SUFU: variants seen among roughly 807,000 people sequenced by gnomAD.
The protein encoded by SUFU is suppressor of fused homolog.
A neutral mutation model predicts 58.9 loss-of-function variants in SUFU; 7 were observed. The observed-to-expected ratio is 0.12, with a 90% CI of 0.07 to 0.22. The LOEUF is 0.22. Ranked by LOEUF, SUFU falls within the 10% of genes least tolerant of loss-of-function variation. SUFU has a pLI of 1.00. For missense variants in SUFU, 451 were observed against 641.3 expected, an observed-to-expected ratio of 0.70 and a Z score of 3.20; for synonymous variants, 232 against 254.8, an observed-to-expected ratio of 0.91 and a Z score of 0.85.
chr10:102,549,153 G>A (rs2062884156), intron 2 of SUFU, among the ~76,000 whole-genome samples: 1 of 152,198 alleles, frequency 6.6e-6, no homozygotes, highest in Admixed American at 6.5e-5. Flanking sequence ...GTGGAGGTGG[G>A]AGTGGAGAAA....
At chr10:102,575,772 C>T (rs1299627142) in intron 3 of SUFU, among the ~76,000 whole-genome samples, 2 of 152,138 alleles carry the variant, frequency 1.3e-5, no homozygotes, top group Admixed American at 6.5e-5. Flanking sequence ...GCTGCTGGTG[C>T]CACATAGCAG....
At chr10:102,569,782 A>G (rs953698081) in intron 3 of SUFU, among the ~76,000 whole-genome samples, 1 of 152,134 alleles carries the variant, frequency 6.6e-6, no homozygotes, top group Admixed American at 6.6e-5. Context: ...GCAACATTCA[A>G]CAAGGGATTT....
chr10:102,601,182 C>A (rs774497134), intron 8 of SUFU, among the ~76,000 whole-genome samples: 2 of 152,184 alleles, frequency 1.3e-5, no homozygotes, highest in Non-Finnish European at 2.9e-5. Context: ...TGCAGAGATA[C>A]AACCTTCTTG....
chr10:102,585,888 C>CTTTTT (rs34024871), intron 3 of SUFU, among the ~76,000 whole-genome samples: 13 of 135,034 alleles, frequency 9.6e-5, no homozygotes, highest in African/African-American at 3.3e-4. Context: ...ATTTGTATAT[C>CTTTTT]TTTTTTTTTT....
chr10:102,617,737 C>G lies in SUFU; in HGVS notation c.1296+309C>G. ...CCAGGTTGGAGGGATATAAGACTTT[C>G]TGCACCTTGGGTAAACCAAGGTACA... On this transcript the variant is annotated intron_variant, in intron 10 of 11. Coordinates refer to ENST00000369902, the MANE Select transcript of SUFU (RefSeq NM_016169.4). This position sits in a 1 kb window ranked among gnomAD's most constrained non-coding sequence, Gnocchi z 4.4. 2 of 575,092 alleles carry G rather than the reference C, an allele frequency of 3.5e-6. No individual in the cohort carries two copies. The highest frequency in any genetic ancestry group is 6.4e-5 in the Admixed American group (2 of 31,356). 35.6% of individuals were successfully genotyped at this position (575,092 alleles called of 1,614,324 possible). A position where few individuals can be genotyped will look rare whatever the true frequency, so the allele number is the denominator to read the frequency against.
At position 102,633,265 on chromosome 10, in the gene SUFU, C is replaced by G. The variant is rs141940845; in HGVS notation, c.*3110C>G. 5.2e-4 allele frequency: 121 copies of G among 233,144 alleles called. No individual in the cohort carries two copies. The highest frequency in any genetic ancestry group is 2.5e-3 in the African/African-American group (114 of 45,442). 14.4% of individuals were successfully genotyped at this position (233,144 alleles called of 1,614,324 possible). ...GAGACCCCTCCTTTTGTACAAGTAC[C>G]TGAATGCTGCGACAAGCAGATTTTT... On this transcript the variant is annotated 3_prime_UTR_variant, in exon 12 of 12. Coordinates refer to ENST00000369902, the MANE Select transcript of SUFU (RefSeq NM_016169.4).
In SUFU at chr10:102,615,282, G is replaced by A. The variant is rs2063673090; in HGVS notation, c.1037G>A (p.Ser346Asn). The change falls in exon 9 of 12, where the codon AGC becomes AAC. Residue 346 changes from serine (S) to asparagine (N), a missense_variant. Transcript: ENST00000369902. ...AHDRAPSRKD[S>N]LESDSSTAII... ...TTGCTTCACAGGAGCCGCAAAGACAGCCTGGAAAGTGACAGCTCCACGGCC... is the reference window on the plus strand; with the variant it reads ...TTGCTTCACAGGAGCCGCAAAGACAACCTGGAAAGTGACAGCTCCACGGCC... 1 of 1,614,184 alleles carries A rather than the reference G, an allele frequency of 6.2e-7. No homozygotes were observed. The highest frequency in any genetic ancestry group is 1.1e-5 in the South Asian group (1 of 91,086).
intron 2 of SUFU, among the ~76,000 whole-genome samples, chr10:102,527,566 A>T (rs958315250): frequency 5.3e-5 from 8 of 152,174 alleles, no homozygotes; most frequent in African/African-American, 1.9e-4. Context: ...ATTTGAATCT[A>T]CTTTGATAGT....
At chr10:102,573,301 T>C in intron 3 of SUFU, 1 of 571,478 alleles carries the variant, frequency 1.7e-6, no homozygotes, top group Non-Finnish European at 3.2e-6. Flanking sequence ...ATGGCTACTA[T>C]CAAAAAAAGA....
chr10:102,595,431 A>G (rs976670281), intron 6 of SUFU, among the ~76,000 whole-genome samples: 1 of 152,242 alleles, frequency 6.6e-6, no homozygotes, highest in Non-Finnish European at 1.5e-5. Context: ...ACCAGGAACC[A>G]GGAAGGCTAT....
At chr10:102,568,806 G>A (rs1170706689) in intron 3 of SUFU, among the ~76,000 whole-genome samples, 2 of 146,296 alleles carry the variant, frequency 1.4e-5, no homozygotes, top group African/African-American at 5.1e-5. Context: ...CCTGGGAGGC[G>A]GAGGTTGCAG....
chr10:102,559,152 G>A (rs2135767529), intron 3 of SUFU, among the ~76,000 whole-genome samples: 1 of 152,340 alleles, frequency 6.6e-6, no homozygotes, highest in East Asian at 1.9e-4. Context: ...CAGTAAGAGA[G>A]ACATTTCTGT....
intron 2 of SUFU, among the ~76,000 whole-genome samples, chr10:102,542,821 C>T (rs2062817642): frequency 6.6e-6 from 1 of 152,054 alleles, no homozygotes; most frequent in South Asian, 2.1e-4. Context: ...GGCAAGGCTT[C>T]GCCATGTTGC....
chr10:102,615,281 A>G lies in SUFU; in HGVS notation c.1036A>G (p.Ser346Gly). The change falls in exon 9 of 12, where the codon AGC becomes GGC. Residue 346 changes from serine to glycine, a missense_variant. By Grantham distance (56) the Ser-to-Gly change is moderately conservative (BLOSUM62 0). Transcript: ENST00000369902. ...AHDRAPSRKD[S>G]LESDSSTAII... ...CTTGCTTCACAGGAGCCGCAAAGAC[A>G]GCCTGGAAAGTGACAGCTCCACGGC... The G allele has an allele frequency of 6.2e-7, 1 of 1,614,144 alleles. No homozygotes were observed. The highest frequency in any genetic ancestry group is 8.5e-7 in the Non-Finnish European group (1 of 1,180,020).
chr10:102,559,144 G>A (rs2063009817), intron 3 of SUFU, among the ~76,000 whole-genome samples: 1 of 152,222 alleles, frequency 6.6e-6, no homozygotes, highest in Non-Finnish European at 1.5e-5. Flanking sequence ...TCTACAGGCA[G>A]TAAGAGAGAC....
intron 3 of SUFU, among the ~76,000 whole-genome samples, chr10:102,566,120 GT>G (rs1426096217): frequency 6.6e-6 from 1 of 152,194 alleles, no homozygotes; most frequent in Non-Finnish European, 1.5e-5. Flanking sequence ...ATGATAGAGT[GT>G]TCAGCGAAGA....
At chr10:102,542,613 A>G (rs1349936068) in intron 2 of SUFU, among the ~76,000 whole-genome samples, 1 of 129,062 alleles carries the variant, frequency 7.7e-6, no homozygotes, top group African/African-American at 2.9e-5. Context: ...ACATACTATA[A>G]TATCCTTTTG....
At chr10:102,604,511 C>T (rs2063543807) in intron 8 of SUFU, among the ~76,000 whole-genome samples, 1 of 152,176 alleles carries the variant, frequency 6.6e-6, no homozygotes, top group Admixed American at 6.5e-5. Context: ...ACGCTGCATC[C>T]CCCTCCCTCG....
chr10:102,575,537 C>T (rs1001785861), intron 3 of SUFU, among the ~76,000 whole-genome samples: 1 of 152,160 alleles, frequency 6.6e-6, no homozygotes, highest in Non-Finnish European at 1.5e-5. Flanking sequence ...CCCCATTGTC[C>T]ACCTCTGTGA....
Sources: allele counts gnomAD v4.1 joint callset (sites outside exome capture counted in the v4.1 genomes callset), GRCh38; gene constraint gnomAD v4.1.1; non-coding constraint Gnocchi (gnomAD v3.1); transcripts MANE v1.5; gene names NCBI Gene and HGNC (gene_info 2026-07-23, HGNC 2026-07-21).